Variants in PGBD5 observed in about 807,000 individuals in gnomAD.
PGBD5 encodes the protein piggyBac transposable element derived 5, also known as piggyBac transposable element-derived protein 5.
Under a neutral mutation model 47.9 loss-of-function variants are expected in PGBD5, and 14 were observed. That is an observed-to-expected ratio of 0.29 (90% CI 0.19 to 0.46). PGBD5 has a LOEUF of 0.46. PGBD5 is among the 20% of genes least tolerant of loss of function. PGBD5 has a pLI of 1.00. For synonymous variants in PGBD5, 316 were observed against 306.3 expected (o/e 1.03, Z -0.33); for missense variants, 635 against 716.0 (o/e 0.89, Z 1.29).
intron 1 of PGBD5, among the ~76,000 whole-genome samples, chr1:230,363,093 A>G (rs567240781): frequency 6.6e-6 from 1 of 152,122 alleles, no homozygotes; most frequent in Admixed American, 6.5e-5. Flanking sequence ...TTCTTTATTG[A>G]TCAAGTGGGA....
rs1667098457 is a variant in PGBD5, at chr1:230,325,338, T to C, written c.1351A>G (p.Ile451Val). 6.2e-7 allele frequency: 1 copy of C among 1,613,570 alleles called. No homozygotes were observed. The highest frequency in any genetic ancestry group is 1.3e-5 in the African/African-American group (1 of 74,918). ...VEAFAAHLSY[I>V]CRYDDKYSKY... ...CTGTATTTGTCATCGTATCTGCAGA[T>C]GTAGCTCAGGTGAGCGGCAAACGCC... The change falls in exon 6 of 7, where the codon ATC becomes GTC. Residue 451 changes from isoleucine (I) to valine (V), a missense_variant. Coordinates refer to ENST00000391860, the MANE Select transcript of PGBD5 (RefSeq NM_001258311.2).
chr1:230,345,068 A>T (rs755700042), intron 3 of PGBD5, among the ~76,000 whole-genome samples: 1 of 152,204 alleles, frequency 6.6e-6, no homozygotes, highest in Non-Finnish European at 1.5e-5. Context: ...ACGTGTTCAA[A>T]CAGGAGAAAT....
intron 1 of PGBD5, among the ~76,000 whole-genome samples, chr1:230,396,190 ACC>A (rs1171255640): frequency 2.1e-4 from 11 of 52,736 alleles, no homozygotes; most frequent in Non-Finnish European, 3.4e-4. Context: ...ATTCCTTTTT[ACC>A]CCCCCACTCT....
At chr1:230,371,068 A>T (rs1223074931) in intron 1 of PGBD5, among the ~76,000 whole-genome samples, 2 of 152,190 alleles carry the variant, frequency 1.3e-5, no homozygotes, top group Non-Finnish European at 2.9e-5. Context: ...TTCAAAAGGA[A>T]GACTGATTGT....
At chr1:230,360,502 G>A (rs896677776) in intron 1 of PGBD5, among the ~76,000 whole-genome samples, 15 of 152,146 alleles carry the variant, frequency 9.9e-5, no homozygotes, top group Non-Finnish European at 5.9e-5. Context: ...TCCATGGGAG[G>A]TGACTGTATC....
intron 1 of PGBD5, among the ~76,000 whole-genome samples, chr1:230,420,493 G>A (rs1377119038): frequency 4.6e-5 from 7 of 152,168 alleles, no homozygotes; most frequent in African/African-American, 1.4e-4. Context: ...TAATCCCCAT[G>A]TGTCAAGGGC....
chr1:230,375,377 G>C (rs1418230122), intron 1 of PGBD5, among the ~76,000 whole-genome samples: 3 of 152,158 alleles, frequency 2.0e-5, no homozygotes, highest in African/African-American at 7.2e-5. Context: ...AGTTTATACA[G>C]ATGAGTTGCT....
At chr1:230,345,642 T>C (rs1249390288) in intron 3 of PGBD5, among the ~76,000 whole-genome samples, 4 of 152,236 alleles carry the variant, frequency 2.6e-5, no homozygotes, top group Non-Finnish European at 5.9e-5. Context: ...AGGCATTCAG[T>C]AGAAATTTCT....
rs1434876903 is a variant in PGBD5 at position 230,351,101 on chromosome 1, A to G, written c.760-9T>C. On this transcript the variant is annotated splice_polypyrimidine_tract_variant and intron_variant, in intron 2 of 6. Transcript: ENST00000391860. The stretch of plus-strand genomic sequence containing the variant: ...AGGGGTTCATGTAGCACCTGCCAGG[A>G]GGGAAAAAGCAGAGGCTCTCACGGA... The G allele has an allele frequency of 1.2e-6, 2 of 1,609,364 alleles. No individual in the cohort carries two copies. Among genetic ancestry groups the G allele is most frequent in the Non-Finnish European group, 1.7e-6 (2 of 1,178,014 alleles).
chr1:230,380,529 G>A (rs369531025), intron 1 of PGBD5, among the ~76,000 whole-genome samples: 21 of 152,248 alleles, frequency 1.4e-4, no homozygotes, highest in African/African-American at 4.6e-4. Context: ...TTCCCCTCCC[G>A]GCTCTCCAAG....
At chr1:230,359,995 C>A (rs1348630083) in intron 1 of PGBD5, among the ~76,000 whole-genome samples, 1 of 152,166 alleles carries the variant, frequency 6.6e-6, no homozygotes, top group African/African-American at 2.4e-5. Flanking sequence ...AGCTCCACAC[C>A]TACTCCTAAT....
At chr1:230,361,376 G>C (rs1194126898) in intron 1 of PGBD5, among the ~76,000 whole-genome samples, 2 of 152,156 alleles carry the variant, frequency 1.3e-5, no homozygotes, top group African/African-American at 4.8e-5. Context: ...GTGTGCCTCG[G>C]TGTCTGGGCT....
chr1:230,383,762 G>A (rs960340335), intron 1 of PGBD5, among the ~76,000 whole-genome samples: 7 of 152,230 alleles, frequency 4.6e-5, no homozygotes, highest in Non-Finnish European at 8.8e-5. Context: ...GGCTTCTGAA[G>A]GGGCCTGAGC....
chr1:230,357,075 A>C lies in PGBD5; in HGVS notation c.578T>G (p.Phe193Cys). The part of the protein sequence containing the change: ...ESVLSIWSGG[F>C]YSNRSLALVM... Reference sequence around the variant, plus strand: ...GAGGGCGAGGCTGCGGTTGCTGTAGAAGCCTCCGCTCCAGATGCTGAGGAC... The same window carrying C: ...GAGGGCGAGGCTGCGGTTGCTGTAGCAGCCTCCGCTCCAGATGCTGAGGAC... Residue 193 changes from phenylalanine to cysteine, a missense_variant, in exon 2 of 7, where the codon TTC becomes TGC. By Grantham distance (205) the Phe-to-Cys change is radical. Transcript: ENST00000391860. This position sits in a 1 kb window ranked among gnomAD's most constrained non-coding sequence, Gnocchi z 5.7. The C allele has an allele frequency of 6.2e-7, 1 of 1,614,182 alleles. No homozygotes were observed. The highest frequency in any genetic ancestry group is 8.5e-7 in the Non-Finnish European group (1 of 1,180,032).
At position 230,316,078 on chromosome 1, in the gene PGBD5, T is replaced by TTATGTGTACACATATATC. The variant is rs1666941102; in HGVS notation, c.*7346_*7347insGATATATGTGTACACATA. Reference sequence around the variant, plus strand: ...TATATGTATGTGTATACATACATGTTTATGTGTATACATACATATGTTTAT... The same window carrying TTATGTGTACACATATATC: ...TATATGTATGTGTATACATACATGTTTATGTGTACACATATATCTATGTGTATACATACATATGTTTAT... On this transcript the variant is annotated 3_prime_UTR_variant, in exon 7 of 7. Coordinates refer to ENST00000391860, the MANE Select transcript of PGBD5 (RefSeq NM_001258311.2). 1 of 111,920 alleles carries TTATGTGTACACATATATC rather than the reference T, an allele frequency of 8.9e-6. No individual in the cohort carries two copies. Among genetic ancestry groups the TTATGTGTACACATATATC allele is most frequent in the African/African-American group, 3.2e-5 (1 of 30,870 alleles). The allele number at this position is 111,920 out of a possible 1,614,324, so 6.9% of individuals were successfully genotyped here. A position where few individuals can be genotyped will look rare whatever the true frequency, so the allele number is the denominator to read the frequency against.
chr1:230,362,282 C>T, intron 1 of PGBD5: 4 of 1,367,434 alleles, frequency 2.9e-6, no homozygotes, highest in Non-Finnish European at 3.9e-6. Context: ...CCTCCATGCT[C>T]TGCACTGAGT....
At chr1:230,378,660 C>G (rs1452853978) in intron 1 of PGBD5, among the ~76,000 whole-genome samples, 4 of 152,156 alleles carry the variant, frequency 2.6e-5, no homozygotes, top group Non-Finnish European at 4.4e-5. Flanking sequence ...AGGACAAATG[C>G]CCCCATAAAA....
chr1:230,397,865 T>C (rs1264230239), intron 1 of PGBD5, among the ~76,000 whole-genome samples: 4 of 152,234 alleles, frequency 2.6e-5, no homozygotes, highest in African/African-American at 7.2e-5. Flanking sequence ...TCCAGCTCTA[T>C]GTGAGAGCAC....
At chr1:230,353,961 C>T (rs1667597954) in intron 2 of PGBD5, among the ~76,000 whole-genome samples, 1 of 152,284 alleles carries the variant, frequency 6.6e-6, no homozygotes, top group African/African-American at 2.4e-5. Context: ...AGGAGCCGAG[C>T]AGGGCGGGCC....
Sources: gnomAD v4.1 joint callset for allele counts (sites outside exome capture counted in the v4.1 genomes callset) on GRCh38, gnomAD v4.1.1 for gene constraint, Gnocchi (gnomAD v3.1) non-coding constraint, MANE v1.5 for transcripts, NCBI Gene and HGNC (gene_info 2026-07-23, HGNC 2026-07-21) for gene names.